SPINK5: variants seen among roughly 807,000 people sequenced by gnomAD.
SPINK5 encodes the protein serine peptidase inhibitor Kazal type 5.
Under a neutral mutation model 151.8 loss-of-function variants are expected in SPINK5, and 125 were observed. That is an observed-to-expected ratio of 0.82 (90% CI 0.71 to 0.96). The LOEUF (loss-of-function observed/expected upper bound fraction) is 0.96. SPINK5 is among the 40% of genes least tolerant of loss of function. The probability of loss-of-function intolerance (pLI) is 0.00; values close to 1 mark genes in which losing one functional copy is unlikely to be tolerated. For synonymous variants in SPINK5, 374 were observed against 395.3 expected (o/e 0.95, Z 0.64); for missense variants, 1,194 against 1,291.9 (o/e 0.92, Z 1.16).
At chr5:148,099,443 A>G in intron 12 of SPINK5, 128 bp downstream of exon 12, 1 of 706,220 alleles carries the variant, frequency 1.4e-6, no homozygotes, top group Middle Eastern at 3.6e-4. Context: ...TGGGGATGGT[A>G]TTGAGATGAA....
Position 148,125,769 on chromosome 5 carries a change from T to G in SPINK5, c.2786T>G (p.Ile929Ser), listed in dbSNP as rs755037059. 2 of 1,614,234 alleles carry G rather than the reference T, an allele frequency of 1.2e-6. No individual in the cohort carries two copies. The highest frequency in any genetic ancestry group is 1.3e-5 in the African/African-American group (1 of 75,064). The part of the protein sequence containing the change: ...FRNYIRNNEL[I>S]CPRENDPVHG... The stretch of plus-strand genomic sequence containing the variant: ...AACTATATAAGGAACAATGAACTCA[T>G]CTGCCCTAGAGAGAATGACCCAGTG... Residue 929 changes from isoleucine to serine, a missense_variant, in exon 29 of 33, where the codon ATC (isoleucine) becomes AGC (serine). Physicochemically the swap from Ile to Ser is moderately radical, Grantham distance 142 (BLOSUM62 -2). Transcript: ENST00000256084.
intron 2 of SPINK5, 152 bp downstream of exon 2, chr5:148,065,524 A>G: frequency 1.3e-6 from 1 of 749,270 alleles, no homozygotes; most frequent in South Asian, 1.6e-5. Flanking sequence ...ATTTTTATGA[A>G]TCAGGACATG....
At chr5:148,128,485 T>C (rs184457936) in intron 30 of SPINK5, among the ~76,000 whole-genome samples, 8 of 152,308 alleles carry the variant, frequency 5.3e-5, no homozygotes, top group African/African-American at 1.9e-4. Flanking sequence ...AAATACTTAC[T>C]GAGCACCTGC....
At chr5:148,133,261 G>C (rs966149744) in intron 31 of SPINK5, among the ~76,000 whole-genome samples, 2 of 152,128 alleles carry the variant, frequency 1.3e-5, no homozygotes, top group Non-Finnish European at 1.5e-5. Flanking sequence ...AATGCTAAAA[G>C]ACAAATTGCA....
At chr5:148,068,564 AAAAAAAAAAAAAAAAAAG>A (rs1210657260) in intron 2 of SPINK5, among the ~76,000 whole-genome samples, 1,897 of 146,838 alleles carry the variant, frequency 0.013, 53 homozygotes, top group African/African-American at 0.045. Context: ...CAAAAAAAAA[AAAAAAAAAAAAAAAAAAG>A]AAAGAAAGAA....
chr5:148,100,676 A>C (rs918486938), intron 13 of SPINK5, 95 bp downstream of exon 13: 72 of 1,403,326 alleles, frequency 5.1e-5, no homozygotes, highest in Non-Finnish European at 3.8e-5. Context: ...TCAACATAAA[A>C]ATGAAAGAAT....
chr5:148,130,276 A>G (rs1379297572), intron 30 of SPINK5, among the ~76,000 whole-genome samples: 2 of 151,884 alleles, frequency 1.3e-5, no homozygotes, highest in African/African-American at 2.4e-5. Flanking sequence ...TCTAAATTCT[A>G]TGATTACTTT....
chr5:148,083,074 G>A (rs10065129), intron 4 of SPINK5, among the ~76,000 whole-genome samples: 111,994 of 150,300 alleles, frequency 0.75, 43,008 homozygotes, highest in African/African-American at 0.92. Flanking sequence ...ATTACATTCT[G>A]TTTGTTATTG....
intron 22 of SPINK5, among the ~76,000 whole-genome samples, chr5:148,117,512 G>A (rs554012994): frequency 5.9e-5 from 9 of 152,208 alleles, no homozygotes; most frequent in Admixed American, 3.3e-4. Flanking sequence ...CATTGTTGTG[G>A]GAAAGAAGCA....
intron 2 of SPINK5, among the ~76,000 whole-genome samples, chr5:148,065,962 C>T (rs1206614829): frequency 6.6e-6 from 1 of 151,994 alleles, no homozygotes; most frequent in Non-Finnish European, 1.5e-5. Flanking sequence ...ACATATGGTA[C>T]GTTAAATAAT....
At position 148,118,489 on chromosome 5, in the gene SPINK5, C is replaced by T. The variant is rs377368694; in HGVS notation, c.2165C>T (p.Thr722Ile). Residue 722 changes from threonine (T) to isoleucine (I), a missense_variant, in exon 23 of 33, where the codon ACT becomes ATT. Coordinates refer to ENST00000256084, the MANE Select transcript of SPINK5 (RefSeq NM_006846.4). Reference sequence around the variant, plus strand: ...ATGAAAAATGGAAGACTCAGCTGTACTCGGGAGAGTGATCCTGTACGTGAT... The same window carrying T: ...ATGAAAAATGGAAGACTCAGCTGTATTCGGGAGAGTGATCCTGTACGTGAT... The part of the protein sequence containing the change: ...EQMKNGRLSC[T>I]RESDPVRDAD... The T allele has an allele frequency of 3.1e-6, 5 of 1,613,996 alleles. 1 individual carries two copies. The South Asian group carries it at 3.3e-5, about 11-fold the overall frequency.
intron 11 of SPINK5, 74 bp downstream of exon 11, chr5:148,098,068 T>C: frequency 3.5e-6 from 5 of 1,410,418 alleles, no homozygotes; most frequent in Non-Finnish European, 4.0e-6. Flanking sequence ...GCTTCTTTCA[T>C]AGATGGGGAG....
chr5:148,128,182 A>T (rs1025800142), intron 30 of SPINK5, among the ~76,000 whole-genome samples: 2 of 151,732 alleles, frequency 1.3e-5, no homozygotes, highest in African/African-American at 4.9e-5. Flanking sequence ...GCTCCACATC[A>T]GGGATCCGAA....
intron 24 of SPINK5, 139 bp downstream of exon 24, chr5:148,119,197 A>G (rs1754186126): frequency 1.3e-6 from 1 of 781,024 alleles, no homozygotes; most frequent in Admixed American, 2.0e-5. Context: ...GTTATCAGTG[A>G]CTCTCACTGA....
intron 23 of SPINK5, among the ~76,000 whole-genome samples, 171 bp downstream of exon 23, chr5:148,118,735 G>A (rs1754169555): frequency 6.6e-6 from 1 of 152,008 alleles, no homozygotes; most frequent in Non-Finnish European, 1.5e-5. Flanking sequence ...CCTTAGCAAG[G>A]GCAGCTAACC....
intron 20 of SPINK5, 141 bp downstream of exon 20, chr5:148,113,075 T>G: frequency 7.4e-7 from 1 of 1,359,674 alleles, no homozygotes; most frequent in Non-Finnish European, 1.0e-6. Context: ...AACTTTTTCT[T>G]AACAGAACAG....
chr5:148,121,322 C>T (rs2113199735), intron 26 of SPINK5, among the ~76,000 whole-genome samples: 2 of 100,484 alleles, frequency 2.0e-5, no homozygotes, highest in Middle Eastern at 0.011. Context: ...TTTTAATGCA[C>T]CGACGGACTC....
chr5:148,121,143 C>CAAAAAAAAAAAAAAAAAAAAAA (rs767012594), intron 26 of SPINK5, among the ~76,000 whole-genome samples: 1 of 68,664 alleles, frequency 1.5e-5, no homozygotes, highest in African/African-American at 7.2e-5. Flanking sequence ...GACTCTGTCT[C>CAAAAAAAAAAAAAAAAAAAAAA]AAAAAAAAAA....
chr5:148,069,953 C>T (rs1365189157), intron 2 of SPINK5, among the ~76,000 whole-genome samples: 3 of 152,080 alleles, frequency 2.0e-5, no homozygotes, highest in Non-Finnish European at 4.4e-5. Context: ...GTTCAATGCT[C>T]AAACACCTTG....
Sources: gnomAD v4.1 joint callset for allele counts (sites outside exome capture counted in the v4.1 genomes callset) on GRCh38, gnomAD v4.1.1 for gene constraint, MANE v1.5 for transcripts, NCBI Gene and HGNC (gene_info 2026-07-23, HGNC 2026-07-21) for gene names.